Variants in LONRF1 observed in about 807,000 individuals in gnomAD.
LONRF1 encodes LON peptidase N-terminal domain and RING finger protein 1.
In LONRF1, 37 loss-of-function variants were observed where a neutral mutation model predicts 85.8. The ratio of observed to expected loss-of-function variants is 0.43; its 90% confidence interval spans 0.33 to 0.57. The LOEUF (loss-of-function observed/expected upper bound fraction) is 0.57, where lower values mean the gene tolerates loss of function less well. LONRF1 is among the 20% of genes least tolerant of loss of function. The pLI is 0.04. For synonymous variants in LONRF1, 517 were observed against 390.1 expected, an observed-to-expected ratio of 1.33 and a Z score of -3.83; for missense variants, 1,036 against 978.0, an observed-to-expected ratio of 1.06 and a Z score of -0.79.
At chr8:12,751,307 T>TCTTG (rs1484311362) in intron 1 of LONRF1, among the ~76,000 whole-genome samples, 2 of 38,558 alleles carry the variant, frequency 5.2e-5, no homozygotes, top group Non-Finnish European at 1.7e-4. Context: ...TTTTTTTTTT[T>TCTTG]TTTTTTTTTT....
intron 1 of LONRF1, among the ~76,000 whole-genome samples, chr8:12,749,109 C>G (rs906675635): frequency 3.9e-5 from 6 of 152,192 alleles, no homozygotes; most frequent in African/African-American, 1.4e-4. Context: ...AACACCAAAC[C>G]TAAGACATAC....
chr8:12,746,445 A>G (rs1200790357), intron 1 of LONRF1, among the ~76,000 whole-genome samples: 3 of 152,052 alleles, frequency 2.0e-5, no homozygotes, highest in South Asian at 2.1e-4. Context: ...CTTTATCTTG[A>G]TAAGTTTTTA....
intron 11 of LONRF1, 41 bp downstream of exon 11, chr8:12,725,686 A>G (rs769036131): frequency 1.3e-6 from 2 of 1,584,616 alleles, no homozygotes; most frequent in Non-Finnish European, 1.7e-6. Flanking sequence ...ATTTGGGTTT[A>G]TAAAAAAGTG....
rs1241413826 is a variant in LONRF1, at chr8:12,736,692, T to C, written c.1451+9A>G. The stretch of plus-strand genomic sequence containing the variant: ...AATATTCATCTTCTATAAAGTTTTA[T>C]ATGCTTACCTCATGCAGAGAGAACA... On this transcript the variant is annotated intron_variant, in intron 6 of 11. Coordinates refer to ENST00000398246, the MANE Select transcript of LONRF1 (RefSeq NM_152271.5). The C allele has an allele frequency of 1.9e-6, 3 of 1,571,770 alleles. No homozygotes were observed. Among genetic ancestry groups the C allele is most frequent in the Non-Finnish European group, 1.7e-6 (2 of 1,151,274 alleles).
chr8:12,745,786 G>A (rs1162139151), intron 1 of LONRF1, among the ~76,000 whole-genome samples: 1 of 152,136 alleles, frequency 6.6e-6, no homozygotes, highest in Non-Finnish European at 1.5e-5. Context: ...CATGGTTTGG[G>A]TTAATTGTAT....
rs952826289 is a variant in LONRF1, at chr8:12,723,011, G to C, written c.*85C>G. The C allele has an allele frequency of 2.3e-6, 3 of 1,283,128 alleles. No homozygotes were observed. Among genetic ancestry groups the C allele is most frequent in the South Asian group, 1.6e-5 (1 of 61,772 alleles). 79.5% of individuals were successfully genotyped at this position (1,283,128 alleles called of 1,614,324 possible). ...AAGTTTCATTAAATTTCTGAAACCA[G>C]CACTAGATGTGCAAAGGCAGCAGAC... On this transcript the variant is annotated 3_prime_UTR_variant, in exon 12 of 12. Coordinates refer to ENST00000398246, the MANE Select transcript of LONRF1 (RefSeq NM_152271.5).
At chr8:12,746,883 C>G (rs559170870) in intron 1 of LONRF1, among the ~76,000 whole-genome samples, 2 of 152,288 alleles carry the variant, frequency 1.3e-5, no homozygotes, top group Non-Finnish European at 1.5e-5. Context: ...AAGGCTTACT[C>G]TAGAGAGTAA....
In LONRF1 at chr8:12,736,984, C is replaced by T; in HGVS notation, c.1270G>A (p.Val424Ile). The change falls in exon 5 of 12, where the codon GTT becomes ATT. Residue 424 changes from valine to isoleucine, a missense_variant. Transcript: ENST00000398246. ...EPVLSVQEKG[V>I]LLKRKLSLLE... is the part of the protein sequence containing the mutation. Reference sequence around the variant, plus strand: ...AGAGACAACTTTCTTTTCAGCAGAACACCTTTTTCTTGAACTGACAGAACA... The same window carrying T: ...AGAGACAACTTTCTTTTCAGCAGAATACCTTTTTCTTGAACTGACAGAACA... The T allele has an allele frequency of 6.2e-7, 1 of 1,613,582 alleles. No individual in the cohort carries two copies. The highest frequency in any genetic ancestry group is 8.5e-7 in the Non-Finnish European group (1 of 1,179,698).
chr8:12,752,543 G>C (rs1304456819), intron 1 of LONRF1, among the ~76,000 whole-genome samples: 6 of 152,168 alleles, frequency 3.9e-5, no homozygotes, highest in Non-Finnish European at 8.8e-5. Flanking sequence ...GAAGACTTGG[G>C]TTCTATTCCT....
intron 1 of LONRF1, among the ~76,000 whole-genome samples, chr8:12,750,764 CAT>C (rs995863171): frequency 3.3e-5 from 5 of 152,146 alleles, no homozygotes; most frequent in Non-Finnish European, 7.3e-5. Context: ...TGCTAGTTAA[CAT>C]GTGTAAACTA....
rs200496434 is a variant in LONRF1, at chr8:12,736,783, C to G, written c.1369G>C (p.Val457Leu). 3.7e-6 allele frequency: 6 copies of G among 1,607,496 alleles called. No individual in the cohort carries two copies. Among genetic ancestry groups the G allele is most frequent in the Non-Finnish European group, 3.4e-6 (4 of 1,177,570 alleles). ...LKKQGETPNE[V>L]CMFSLAYGDI... ...CCATAAGCTAAGGAAAACATACAGACTTCATTGGGAGTTTCTATTAAAACA... is the reference window on the plus strand; with the variant it reads ...CCATAAGCTAAGGAAAACATACAGAGTTCATTGGGAGTTTCTATTAAAACA... Residue 457 changes from valine to leucine, a missense_variant, in exon 6 of 12, where the codon GTC becomes CTC. Transcript: ENST00000398246.
chr8:12,740,736 A>G, intron 3 of LONRF1, 138 bp downstream of exon 3: 5 of 1,099,240 alleles, frequency 4.5e-6, no homozygotes, highest in Non-Finnish European at 6.4e-6. Flanking sequence ...CCTGAAAACC[A>G]CTCAAATTAT....
At chr8:12,741,958 T>C (rs7014429) in intron 2 of LONRF1, among the ~76,000 whole-genome samples, 127,051 of 152,214 alleles carry the variant, frequency 0.83, 53,596 homozygotes, top group East Asian at 0.94. Flanking sequence ...AAGCTTTAAA[T>C]GTTCCTTGCT....
intron 1 of LONRF1, among the ~76,000 whole-genome samples, chr8:12,744,413 ATGT>A (rs1450364403): frequency 1.3e-5 from 2 of 152,204 alleles, no homozygotes; most frequent in African/African-American, 2.4e-5. Flanking sequence ...AAAAAAAGAC[ATGT>A]CTAGAATATT....
intron 1 of LONRF1, among the ~76,000 whole-genome samples, chr8:12,749,908 T>C (rs1799311176): frequency 1.3e-5 from 2 of 152,226 alleles, no homozygotes; most frequent in South Asian, 4.1e-4. Flanking sequence ...ACAGGGACTT[T>C]ATTTTACTCC....
intron 1 of LONRF1, among the ~76,000 whole-genome samples, chr8:12,751,428 G>T (rs1268601525): frequency 2.0e-5 from 3 of 148,368 alleles, no homozygotes; most frequent in African/African-American, 7.5e-5. Context: ...CTCAGCCTCT[G>T]GAGTAGCGGG....
Position 12,725,728 on chromosome 8 carries a change from T to C in LONRF1, c.2162A>G (p.Gln721Arg), listed in dbSNP as rs1311331407. 1.9e-6 allele frequency: 3 copies of C among 1,610,298 alleles called. No individual in the cohort carries two copies. Among genetic ancestry groups the C allele is most frequent in the African/African-American group, 1.3e-5 (1 of 74,850 alleles). The change falls in exon 11 of 12, where the codon CAG (glutamine) becomes CGG (arginine). Residue 721 changes from glutamine (Q) to arginine (R), a missense_variant and splice_region_variant. Transcript: ENST00000398246. ...GGAAGAACAGAAAAGCCACCATACC[T>C]GAAGGTTTTCCTCCCTCTCGGGCAT... is the stretch of plus-strand genomic sequence containing the variant. Reference protein sequence around the residue: ...GSMPEREENLQAAPNGPAWCW... With the variant: ...GSMPEREENLRAAPNGPAWCW...
rs1805908011 is a variant in LONRF1, at chr8:12,722,099, G to C, written c.*997C>G. The C allele has an allele frequency of 1.3e-5, 2 of 151,936 alleles. No homozygotes were observed. Among genetic ancestry groups the C allele is most frequent in the South Asian group, 4.2e-4 (2 of 4,770 alleles). 9.4% of individuals were successfully genotyped at this position (151,936 alleles called of 1,614,324 possible). A position where few individuals can be genotyped will look rare whatever the true frequency, so the allele number is the denominator to read the frequency against. Reference sequence around the variant, plus strand: ...GGTGATCTAACTGTGATATGAATAAGGCATAACTAACATTTGCACCGAGAC... The same window carrying C: ...GGTGATCTAACTGTGATATGAATAACGCATAACTAACATTTGCACCGAGAC... On this transcript the variant is annotated 3_prime_UTR_variant, in exon 12 of 12. Coordinates refer to ENST00000398246, the MANE Select transcript of LONRF1 (RefSeq NM_152271.5).
At chr8:12,737,945 G>C (rs370327905) in intron 4 of LONRF1, 50 bp downstream of exon 4, 5 of 1,545,260 alleles carry the variant, frequency 3.2e-6, no homozygotes, top group Middle Eastern at 3.4e-4. Flanking sequence ...CTCTTAACTC[G>C]TAAAGAAATG....
Sources: allele counts gnomAD v4.1 joint callset (sites outside exome capture counted in the v4.1 genomes callset), GRCh38; gene constraint gnomAD v4.1.1; transcripts MANE v1.5; gene names NCBI Gene and HGNC (gene_info 2026-07-23, HGNC 2026-07-21).